The following SOHLH2 variants were observed in gnomAD, a reference collection of about 807,000 sequenced individuals.
The protein encoded by SOHLH2 is spermatogenesis and oogenesis specific basic helix-loop-helix 2.
A neutral mutation model predicts 50.4 loss-of-function variants in SOHLH2; 22 were observed. The ratio of observed to expected loss-of-function variants is 0.44; its 90% CI spans 0.31 to 0.62. The LOEUF is 0.62. Ranked by LOEUF, SOHLH2 falls within the 20% of genes least tolerant of loss-of-function variation. SOHLH2 has a pLI of 0.08. For missense variants in SOHLH2, 412 were observed against 504.4 expected (o/e 0.82, Z 1.76); for synonymous variants, 185 against 187.3 (o/e 0.99, Z 0.10).
intron 6 of SOHLH2, among the ~76,000 whole-genome samples, chr13:36,183,894 T>C (rs1214770299): frequency 1.3e-5 from 2 of 152,076 alleles, no homozygotes; most frequent in East Asian, 3.9e-4. Flanking sequence ...AATCTCAAAC[T>C]ACATGAAGCA....
chr13:36,187,412 T>C lies in SOHLH2; in HGVS notation c.641+2534A>G, dbSNP rs183471270. On this transcript the variant is annotated intron_variant, in intron 6 of 10. Transcript: ENST00000379881. ...GAATACAATCTTAGGATATCAATTGTATAATATGTAGCTTTAAAAAATACT... is the reference window on the plus strand; with the variant it reads ...GAATACAATCTTAGGATATCAATTGCATAATATGTAGCTTTAAAAAATACT... 2.0e-5 allele frequency among the ~76,000 whole-genome samples: 3 copies of C among 152,342 alleles called. No individual in the cohort carries two copies. In the East Asian group the frequency reaches 5.8e-4, roughly 29 times the overall value.
At chr13:36,189,104 T>G (rs1887505134) in intron 6 of SOHLH2, among the ~76,000 whole-genome samples, 1 of 152,198 alleles carries the variant, frequency 6.6e-6, no homozygotes. Flanking sequence ...ATGCTGATTC[T>G]TCCTAGTTAA....
At chr13:36,203,913 T>C (rs1296610011) in intron 1 of SOHLH2, among the ~76,000 whole-genome samples, 1 of 152,032 alleles carries the variant, frequency 6.6e-6, no homozygotes, top group Non-Finnish European at 1.5e-5. Flanking sequence ...TCAACCACTT[T>C]TTTTTCCAGT....
chr13:36,187,278 T>A (rs893796544), intron 6 of SOHLH2, among the ~76,000 whole-genome samples: 2 of 152,068 alleles, frequency 1.3e-5, no homozygotes, highest in African/African-American at 4.8e-5. Context: ...CACCATTAGA[T>A]CTGGACATGA....
intron 4 of SOHLH2, among the ~76,000 whole-genome samples, chr13:36,193,171 T>C (rs1887624359): frequency 6.6e-6 from 1 of 152,226 alleles, no homozygotes; most frequent in South Asian, 2.1e-4. Flanking sequence ...ACATTAATCC[T>C]CTGCATCTAA....
chr13:36,176,523 A>T (rs1023894034), intron 6 of SOHLH2, among the ~76,000 whole-genome samples: 1 of 152,118 alleles, frequency 6.6e-6, no homozygotes, highest in Non-Finnish European at 1.5e-5. Flanking sequence ...TGGATTTTGG[A>T]ATATTTGCAT....
rs1886876646 is a variant in SOHLH2 at position 36,168,295 on chromosome 13, T to G, written c.*739A>C. On this transcript the variant is annotated 3_prime_UTR_variant, in exon 11 of 11. Transcript: ENST00000379881. ...ATTCAGTGAAATATAAAACAAACCT[T>G]TTTCCCCCTTATTTTCAACTGTCCT... is the stretch of plus-strand genomic sequence containing the variant. The G allele has an allele frequency of 6.6e-6, 1 of 152,104 alleles. No homozygotes were observed. Among genetic ancestry groups the G allele is most frequent in the Admixed American group, 6.5e-5 (1 of 15,268 alleles). 9.4% of individuals were successfully genotyped at this position (152,104 alleles called of 1,614,324 possible).
intron 2 of SOHLH2, among the ~76,000 whole-genome samples, chr13:36,196,120 ATAGATAATT>A (rs1887718856): frequency 1.4e-5 from 2 of 143,124 alleles, no homozygotes; most frequent in African/African-American, 2.6e-5. Flanking sequence ...AGATAGATAG[ATAGATAATT>A]TTTTTTTTTT....
chr13:36,212,951 G>A (rs1357791031), intron 1 of SOHLH2, among the ~76,000 whole-genome samples: 1 of 152,176 alleles, frequency 6.6e-6, no homozygotes, highest in African/African-American at 2.4e-5. Context: ...GTAACAGCAG[G>A]TGCTGAAGTG....
intron 6 of SOHLH2, among the ~76,000 whole-genome samples, chr13:36,184,617 A>T (rs556519623): frequency 6.6e-6 from 1 of 151,408 alleles, no homozygotes; most frequent in African/African-American, 2.4e-5. Flanking sequence ...CTGCCACCAC[A>T]CCCAGCTAAC....
chr13:36,199,602 G>A (rs750372606), intron 2 of SOHLH2, among the ~76,000 whole-genome samples: 34 of 152,256 alleles, frequency 2.2e-4, no homozygotes, highest in African/African-American at 6.7e-4. Context: ...CAGAACTACC[G>A]TTTGCATAGC....
chr13:36,204,306 C>G (rs1199424528), intron 1 of SOHLH2, among the ~76,000 whole-genome samples: 2 of 152,130 alleles, frequency 1.3e-5, no homozygotes, highest in African/African-American at 4.8e-5. Flanking sequence ...TATTTAGTAA[C>G]AAATCTACTG....
intron 6 of SOHLH2, 150 bp downstream of exon 6, chr13:36,189,796 C>T: frequency 1.4e-6 from 1 of 716,648 alleles, no homozygotes; most frequent in Non-Finnish European, 2.1e-6. Context: ...TATTGAATGA[C>T]TACAAGGCTG....
chr13:36,173,993 T>C (rs1404550224), intron 8 of SOHLH2, among the ~76,000 whole-genome samples, 183 bp from the exon 9 acceptor site: 1 of 152,258 alleles, frequency 6.6e-6, no homozygotes, highest in Non-Finnish European at 1.5e-5. Context: ...GCAGGAATGA[T>C]GTGCTTTTTC....
At chr13:36,177,044 G>C (rs1354732062) in intron 6 of SOHLH2, among the ~76,000 whole-genome samples, 1 of 151,934 alleles carries the variant, frequency 6.6e-6, no homozygotes, top group African/African-American at 2.4e-5. Context: ...CACAAACCCA[G>C]AAAGGCCCTT....
chr13:36,209,616 C>T (rs1169971617), intron 1 of SOHLH2, among the ~76,000 whole-genome samples: 1 of 152,164 alleles, frequency 6.6e-6, no homozygotes, highest in Non-Finnish European at 1.5e-5. Context: ...GACCTAATCA[C>T]CTCCCAAAGA....
At chr13:36,210,622 T>G (rs1480365001) in intron 1 of SOHLH2, among the ~76,000 whole-genome samples, 1 of 152,184 alleles carries the variant, frequency 6.6e-6, no homozygotes, top group Non-Finnish European at 1.5e-5. Flanking sequence ...GCTCTGGAGT[T>G]TGGGGTAGAT....
intron 6 of SOHLH2, among the ~76,000 whole-genome samples, chr13:36,175,422 C>T (rs1215137497): frequency 6.6e-6 from 1 of 152,174 alleles, no homozygotes; most frequent in Non-Finnish European, 1.5e-5. Flanking sequence ...AAGGCTGCTT[C>T]CTTTACATGA....
chr13:36,186,397 G>T (rs1887420570), intron 6 of SOHLH2, among the ~76,000 whole-genome samples: 2 of 152,082 alleles, frequency 1.3e-5, no homozygotes, highest in South Asian at 4.1e-4. Context: ...TCTACTTGGG[G>T]CTCTCCTCTG....
Sources: allele counts gnomAD v4.1 joint callset (sites outside exome capture counted in the v4.1 genomes callset), GRCh38; gene constraint gnomAD v4.1.1; transcripts MANE v1.5; gene names NCBI Gene and HGNC (gene_info 2026-07-23, HGNC 2026-07-21).